The following ACAD10 variants were observed in gnomAD, a reference collection of about 807,000 sequenced individuals.
ACAD10 encodes the protein ACAD-10.
In ACAD10, 112 loss-of-function variants were observed where a neutral mutation model predicts 116.8. The observed-to-expected ratio is 0.96, with a 90% CI of 0.82 to 1.12. The LOEUF (loss-of-function observed/expected upper bound fraction) is 1.12. Ranked by LOEUF, ACAD10 falls within the 50% of genes most tolerant of loss-of-function variation. The pLI, the probability that ACAD10 is intolerant of heterozygous loss-of-function variation, is 0.00. For missense variants in ACAD10, 1,259 were observed against 1,350.2 expected, an observed-to-expected ratio of 0.93 and a Z score of 1.06; for synonymous variants, 486 against 510.6, an observed-to-expected ratio of 0.95 and a Z score of 0.65.
intron 2 of ACAD10, among the ~76,000 whole-genome samples, chr12:111,701,221 G>A (rs992251239): frequency 7.2e-5 from 11 of 152,186 alleles, no homozygotes; most frequent in African/African-American, 2.7e-4. Flanking sequence ...AATGTTGTAT[G>A]TATATATTTG....
intron 6 of ACAD10, among the ~76,000 whole-genome samples, chr12:111,714,974 C>T (rs898306227): frequency 6.6e-6 from 1 of 152,060 alleles, no homozygotes; most frequent in Non-Finnish European, 1.5e-5. Flanking sequence ...CCTTGGCCTC[C>T]CAAAGTGCTG....
chr12:111,747,023 A>G, intron 14 of ACAD10, 26 bp from the exon 15 acceptor site: 1 of 1,553,166 alleles, frequency 6.4e-7, no homozygotes, highest in Non-Finnish European at 8.7e-7. Flanking sequence ...CATGACAGTC[A>G]TGGTCACGCT....
chr12:111,745,788 C>T (rs1420162455), intron 13 of ACAD10, among the ~76,000 whole-genome samples: 4 of 150,712 alleles, frequency 2.7e-5, no homozygotes, highest in Admixed American at 6.6e-5. Context: ...CCGCCCGCCT[C>T]GGCCTCCCAA....
At chr12:111,713,936 C>A (rs1482933558) in intron 6 of ACAD10, among the ~76,000 whole-genome samples, 1 of 149,994 alleles carries the variant, frequency 6.7e-6, no homozygotes, top group African/African-American at 2.5e-5. Context: ...CCGTCCCCCC[C>A]CCAAAAAAAA....
chr12:111,729,440 T>A (rs1889323730), intron 9 of ACAD10, among the ~76,000 whole-genome samples: 2 of 152,174 alleles, frequency 1.3e-5, no homozygotes, highest in Non-Finnish European at 2.9e-5. Flanking sequence ...GCTTTCGCCA[T>A]GTTGGACAGG....
chr12:111,699,176 C>T (rs1465452679), intron 2 of ACAD10, among the ~76,000 whole-genome samples: 1 of 152,172 alleles, frequency 6.6e-6, no homozygotes, highest in African/African-American at 2.4e-5. Flanking sequence ...TGAGTCACCA[C>T]GCCCAGCCTT....
At chr12:111,718,356 A>T (rs1022728538) in intron 7 of ACAD10, among the ~76,000 whole-genome samples, 2 of 151,288 alleles carry the variant, frequency 1.3e-5, no homozygotes, top group African/African-American at 4.9e-5. Context: ...CCCTAGTGAT[A>T]TCCTTTCTTT....
intron 16 of ACAD10, 105 bp from the exon 17 acceptor site, chr12:111,748,212 C>T: frequency 1.4e-6 from 2 of 1,408,978 alleles, no homozygotes; most frequent in Non-Finnish European, 2.0e-6. Flanking sequence ...TTAAAGAGCT[C>T]TGTCTGCTTC....
chr12:111,734,135 A>C, intron 11 of ACAD10, 67 bp downstream of exon 11: 1 of 1,604,900 alleles, frequency 6.2e-7, no homozygotes, highest in Non-Finnish European at 8.5e-7. Context: ...GAGCAAACTC[A>C]GCTGAAGTAG....
intron 11 of ACAD10, among the ~76,000 whole-genome samples, chr12:111,736,221 C>T (rs935333412): frequency 7.5e-6 from 1 of 133,258 alleles, no homozygotes; most frequent in Non-Finnish European, 1.6e-5. Context: ...GAGTCTTGCT[C>T]TGTCACCCAG....
At chr12:111,748,988 G>T in intron 17 of ACAD10, 185 bp from the exon 18 acceptor site, 1 of 1,600,668 alleles carries the variant, frequency 6.2e-7, no homozygotes, top group Non-Finnish European at 8.5e-7. Context: ...ATAAATCAGT[G>T]ATTCATTTTC....
intron 8 of ACAD10, among the ~76,000 whole-genome samples, chr12:111,724,995 A>G (rs1212207222): frequency 6.6e-6 from 1 of 152,188 alleles, no homozygotes; most frequent in East Asian, 1.9e-4. Context: ...TAATTATGTA[A>G]CATTTGAAAC....
At chr12:111,734,243 A>G (rs536670935) in intron 11 of ACAD10, among the ~76,000 whole-genome samples, 175 bp downstream of exon 11, 1 of 152,336 alleles carries the variant, frequency 6.6e-6, no homozygotes, top group African/African-American at 2.4e-5. Context: ...GAAAGTGGAT[A>G]TAGGATGTGT....
At chr12:111,735,360 G>A (rs1267362919) in intron 11 of ACAD10, among the ~76,000 whole-genome samples, 1 of 151,910 alleles carries the variant, frequency 6.6e-6, no homozygotes, top group Non-Finnish European at 1.5e-5. Flanking sequence ...TAATATATTT[G>A]CCTATATATA....
intron 12 of ACAD10, among the ~76,000 whole-genome samples, chr12:111,737,586 T>C (rs1011278507): frequency 2.0e-5 from 3 of 152,190 alleles, no homozygotes; most frequent in Non-Finnish European, 2.9e-5. Flanking sequence ...TTTGGTCATA[T>C]AGAATTATGT....
At chr12:111,704,770 C>T (rs1888452208) in intron 3 of ACAD10, among the ~76,000 whole-genome samples, 1 of 149,490 alleles carries the variant, frequency 6.7e-6, no homozygotes, top group Admixed American at 6.8e-5. Flanking sequence ...TCACTGCAAC[C>T]TCCGTCTCCT....
At chr12:111,693,571 A>G (rs1888114833) in intron 2 of ACAD10, among the ~76,000 whole-genome samples, 1 of 151,916 alleles carries the variant, frequency 6.6e-6, no homozygotes, top group Non-Finnish European at 1.5e-5. Context: ...AAAGAATTTA[A>G]CCACTTCTTC....
chr12:111,690,799 AG>A (rs1888017130), intron 1 of ACAD10, among the ~76,000 whole-genome samples: 1 of 151,122 alleles, frequency 6.6e-6, no homozygotes, highest in African/African-American at 2.4e-5. Context: ...AAAAAAAAAA[AG>A]AGTTTCTGAT....
chr12:111,712,837 A>T (rs1195289746), intron 6 of ACAD10, among the ~76,000 whole-genome samples, 180 bp downstream of exon 6: 1 of 152,070 alleles, frequency 6.6e-6, no homozygotes, highest in Non-Finnish European at 1.5e-5. Flanking sequence ...AAAAGCATTA[A>T]CTTCCCTATT....
Sources: allele counts gnomAD v4.1 joint callset (sites outside exome capture counted in the v4.1 genomes callset), GRCh38; gene constraint gnomAD v4.1.1; transcripts MANE v1.5; gene names NCBI Gene and HGNC (gene_info 2026-07-23, HGNC 2026-07-21).